KDM6A: variants seen among roughly 807,000 people sequenced by gnomAD.
KDM6A encodes lysine-specific demethylase 6A.
In KDM6A, 11 loss-of-function variants were observed where a neutral mutation model predicts 117.6. The ratio of observed to expected loss-of-function variants is 0.09; its 90% CI spans 0.06 to 0.15. The LOEUF (loss-of-function observed/expected upper bound fraction) is 0.15. KDM6A is among the 10% of genes least tolerant of loss of function. The pLI, the probability that KDM6A is intolerant of heterozygous loss-of-function variation, is 1.00. For synonymous variants in KDM6A, 384 were observed against 396.1 expected (o/e 0.97, Z 0.36); for missense variants, 799 against 1,077.3 (o/e 0.74, Z 3.62).
At chrX:44,902,100 G>A (rs1033912799) in intron 2 of KDM6A, among the ~76,000 whole-genome samples, 1 of 110,751 alleles carries the variant, frequency 9.0e-6, no homozygotes, top group African/African-American at 3.3e-5. Flanking sequence ...GGTGGCGCAC[G>A]CCTGTAGTCC....
At chrX:45,090,029 A>T (rs1257797200) in intron 26 of KDM6A, 99 bp downstream of exon 26, 12 of 642,024 alleles carry the variant, frequency 1.9e-5, no homozygotes, top group Non-Finnish European at 2.6e-5. Context: ...TAAAAGTTGT[A>T]AGAAGAATGA....
At chrX:45,086,533 G>A (rs896239103) in intron 25 of KDM6A, among the ~76,000 whole-genome samples, 5 of 111,541 alleles carry the variant, frequency 4.5e-5, no homozygotes, top group Non-Finnish European at 9.4e-5. Flanking sequence ...CTGAGCTCAG[G>A]CGATCCACCT....
chrX:44,912,914 A>C (rs1244557219), intron 2 of KDM6A, among the ~76,000 whole-genome samples: 2 of 112,476 alleles, frequency 1.8e-5, no homozygotes, highest in African/African-American at 3.2e-5. Context: ...CATGTGTTAT[A>C]CTCAAAGTTT....
intron 2 of KDM6A, among the ~76,000 whole-genome samples, chrX:44,922,026 GCC>G (rs2035969005): frequency 8.1e-4 from 3 of 3,706 alleles, no homozygotes; most frequent in Non-Finnish European, 1.5e-3. Context: ...CATTGTGTGT[GCC>G]TTTTTTTTTT....
At chrX:45,028,441 G>A (rs1210113640) in intron 6 of KDM6A, among the ~76,000 whole-genome samples, 1 of 111,491 alleles carries the variant, frequency 9.0e-6, no homozygotes, top group Non-Finnish European at 1.9e-5. Context: ...ATTTTGCTTG[G>A]CTTTTTATGG....
chrX:44,980,612 G>C (rs971766174), intron 4 of KDM6A, among the ~76,000 whole-genome samples: 2 of 100,383 alleles, frequency 2.0e-5, no homozygotes, highest in African/African-American at 7.4e-5. Context: ...ATTTCCAATT[G>C]TTTTATTGCT....
intron 2 of KDM6A, among the ~76,000 whole-genome samples, chrX:44,914,979 C>T (rs966587369): frequency 1.8e-5 from 2 of 111,289 alleles, no homozygotes; most frequent in Non-Finnish European, 3.8e-5. Flanking sequence ...TGTCCTGCTA[C>T]ATTTACATTC....
intron 3 of KDM6A, among the ~76,000 whole-genome samples, chrX:44,966,317 C>T (rs1454399775): frequency 2.7e-5 from 3 of 109,125 alleles, no homozygotes; most frequent in Non-Finnish European, 5.7e-5. Context: ...ATTTTTTGTA[C>T]TTTTTTTAGA....
intron 18 of KDM6A, among the ~76,000 whole-genome samples, chrX:45,074,304 A>C (rs2045010883): frequency 9.0e-6 from 1 of 111,073 alleles, no homozygotes; most frequent in Non-Finnish European, 1.9e-5. Flanking sequence ...TCCTTTCTCC[A>C]CTTTGGATTT....
At chrX:44,997,850 A>G (rs1037010305) in intron 4 of KDM6A, among the ~76,000 whole-genome samples, 2 of 112,298 alleles carry the variant, frequency 1.8e-5, no homozygotes, top group Admixed American at 9.4e-5. Flanking sequence ...GTTGAGGGAA[A>G]GATGGCAATG....
intron 6 of KDM6A, among the ~76,000 whole-genome samples, chrX:45,031,984 C>T (rs1037809223): frequency 8.2e-5 from 9 of 110,130 alleles, no homozygotes; most frequent in Middle Eastern, 4.6e-3. Context: ...TCAAACTTTG[C>T]GTTAAATTGG....
intron 10 of KDM6A, among the ~76,000 whole-genome samples, chrX:45,057,370 C>T (rs1281341868): frequency 3.6e-5 from 4 of 111,536 alleles, no homozygotes; most frequent in African/African-American, 1.3e-4. Flanking sequence ...TACTAAGTTA[C>T]AGCCCCCACC....
intron 8 of KDM6A, among the ~76,000 whole-genome samples, chrX:45,038,788 G>A (rs1265657902): frequency 1.8e-5 from 2 of 111,070 alleles, no homozygotes; most frequent in Non-Finnish European, 1.9e-5. Context: ...AGTATAACAC[G>A]TTCATTTTAG....
chrX:45,090,946 C>G (rs1354711040), intron 27 of KDM6A, 82 bp downstream of exon 27: 11 of 1,004,011 alleles, frequency 1.1e-5, no homozygotes, highest in South Asian at 9.7e-5. Context: ...CTTAGAATTA[C>G]GTTGACATCA....
Position 45,078,573 on chromosome X carries a change from C to T in KDM6A, c.3094+68C>T, listed in dbSNP as rs930643639. 56 of 853,209 alleles carry T rather than the reference C, an allele frequency of 6.6e-5. No homozygotes were observed. In the African/African-American group the frequency reaches 1.1e-3, roughly 17 times the overall value. 70.3% of individuals were successfully genotyped at this position (853,209 alleles called of 1,213,427 possible). A position where few individuals can be genotyped will look rare whatever the true frequency, so the allele number is the denominator to read the frequency against. On this transcript the variant is annotated intron_variant, in intron 20 of 29. Coordinates refer to ENST00000611820, the MANE Select transcript of KDM6A (RefSeq NM_001291415.2). ...TTGCTATCTTTTAACTTTTCCAGCA[C>T]TGGCAGATACTTTTCTTTTTTTTCT...
rs1387275180 is a variant in KDM6A at position 44,941,134 on chromosome X, ATTTTC to A, written c.226-20145_226-20141del. Among the ~76,000 whole-genome samples the A allele has an allele frequency of 1.9e-3, 208 of 111,738 alleles. 1 individual carries two copies. The highest frequency in any genetic ancestry group is 6.5e-3 in the African/African-American group (199 of 30,553). ...GAGGATATTATTAAATGAAACTGGCATTTTCTTTTAATAAAAAAAACAAGGTGGTA... is the reference window on the plus strand; with the variant it reads ...GAGGATATTATTAAATGAAACTGGCATTTTAATAAAAAAAACAAGGTGGTA... On this transcript the variant is annotated intron_variant, in intron 2 of 29. Coordinates refer to ENST00000611820, the MANE Select transcript of KDM6A (RefSeq NM_001291415.2).
At chrX:44,896,361 G>A (rs1352895088) in intron 2 of KDM6A, among the ~76,000 whole-genome samples, 2 of 111,348 alleles carry the variant, frequency 1.8e-5, no homozygotes, top group Non-Finnish European at 3.8e-5. Flanking sequence ...ACAGGCGTGA[G>A]TCACCGCGCC....
At chrX:45,097,580 G>A (rs1246191458) in intron 27 of KDM6A, among the ~76,000 whole-genome samples, 1 of 110,760 alleles carries the variant, frequency 9.0e-6, no homozygotes, top group Non-Finnish European at 1.9e-5. Context: ...AAAATTTGTG[G>A]GATTATAATA....
intron 2 of KDM6A, among the ~76,000 whole-genome samples, chrX:44,906,739 G>A (rs916062095): frequency 7.2e-5 from 8 of 111,246 alleles, no homozygotes; most frequent in Non-Finnish European, 1.1e-4. Flanking sequence ...GCTCAGGCTG[G>A]TCTTCAACTC....
Sources: gnomAD v4.1 joint callset for allele counts (sites outside exome capture counted in the v4.1 genomes callset) on GRCh38, gnomAD v4.1.1 for gene constraint, MANE v1.5 for transcripts, NCBI Gene and HGNC (gene_info 2026-07-23, HGNC 2026-07-21) for gene names.